PCDHGB2: variants seen among roughly 807,000 people sequenced by gnomAD.
PCDHGB2 encodes protocadherin gamma-B2.
In PCDHGB2, 55 loss-of-function variants were observed where a neutral mutation model predicts 59.3. That is an observed-to-expected ratio of 0.93 (90% CI 0.75 to 1.16). PCDHGB2 has a LOEUF of 1.16. Among genes scored for constraint, PCDHGB2 ranks in the 50% most tolerant of loss-of-function variants. The pLI is 0.00. For synonymous variants in PCDHGB2, 516 were observed against 512.0 expected (o/e 1.01, Z -0.11); for missense variants, 1,228 against 1,198.5 (o/e 1.02, Z -0.36).
chr5:141,402,996 T>G, intron 1 of PCDHGB2: 3 of 1,613,890 alleles, frequency 1.9e-6, no homozygotes, highest in Non-Finnish European at 1.7e-6. Context: ...AGATTAGTCC[T>G]GCTATGCTCG....
intron 1 of PCDHGB2, among the ~76,000 whole-genome samples, chr5:141,450,006 C>CTATTTTTTTTTT (rs70988802): frequency 7.5e-6 from 1 of 132,986 alleles, no homozygotes. Context: ...TGCCATGTCT[C>CTATTTTTTTTTT]TTTTTTTTTT....
intron 1 of PCDHGB2, chr5:141,423,780 T>C: frequency 8.0e-7 from 1 of 1,243,766 alleles, no homozygotes; most frequent in Non-Finnish European, 1.0e-6. Flanking sequence ...ATATATTTAG[T>C]TCATATATAT....
chr5:141,466,090 C>A (rs983505253), intron 1 of PCDHGB2, among the ~76,000 whole-genome samples: 2 of 152,068 alleles, frequency 1.3e-5, no homozygotes, highest in African/African-American at 4.8e-5. Context: ...CCACTGCACT[C>A]CAGCCTGGGC....
chr5:141,404,073 G>A lies in PCDHGB2; in HGVS notation c.2421+41517G>A, dbSNP rs746951310. On this transcript the variant is annotated intron_variant, in intron 1 of 3. Transcript: ENST00000522605. The stretch of plus-strand genomic sequence containing the variant: ...ATTCTTCTTTTCAATGCTCATGACC[G>A]AGACTCCGGGAAGAATGGTCAAGTT... The A allele has an allele frequency of 1.5e-5, 24 of 1,613,602 alleles. No individual in the cohort carries two copies. Among genetic ancestry groups the A allele is most frequent in the Non-Finnish European group, 1.9e-5 (22 of 1,179,684 alleles).
At chr5:141,446,891 C>A (rs1457416718) in intron 1 of PCDHGB2, among the ~76,000 whole-genome samples, 1 of 152,152 alleles carries the variant, frequency 6.6e-6, no homozygotes, top group Non-Finnish European at 1.5e-5. Context: ...GGGTTCATGG[C>A]TGAGCTACTT....
intron 1 of PCDHGB2, chr5:141,409,744 G>A (rs1255485257): frequency 6.2e-7 from 1 of 1,612,978 alleles, no homozygotes; most frequent in Non-Finnish European, 8.5e-7. Flanking sequence ...GCGGGGTGGT[G>A]TTCGCGCAGC....
rs756476818 is a variant in PCDHGB2 at position 141,431,027 on chromosome 5, A to G, written c.2422-63780A>G. The G allele has an allele frequency of 6.2e-6, 10 of 1,614,034 alleles. No homozygotes were observed. The highest frequency in any genetic ancestry group is 1.1e-5 in the South Asian group (1 of 91,078). On this transcript the variant is annotated intron_variant, in intron 1 of 3. Coordinates refer to ENST00000522605, the MANE Select transcript of PCDHGB2 (RefSeq NM_018923.3). This position sits in a 1 kb window ranked among gnomAD's most constrained non-coding sequence, Gnocchi z 4.8. ...CGGCAGCTTGGTCACGGCGGGCAGG[A>G]TAGACCGGGAGGAGCTCTGTATGGG...
Position 141,512,495 on chromosome 5 carries a change from C to T in PCDHGB2, c.*1322C>T, listed in dbSNP as rs2099884264. 1 of 152,920 alleles carries T rather than the reference C, an allele frequency of 6.5e-6. No homozygotes were observed. The highest frequency in any genetic ancestry group is 1.5e-5 in the Non-Finnish European group (1 of 68,240). The allele number at this position is 152,920 out of a possible 1,614,324, so 9.5% of individuals were successfully genotyped here. A position where few individuals can be genotyped will look rare whatever the true frequency, so the allele number is the denominator to read the frequency against. On this transcript the variant is annotated 3_prime_UTR_variant, in exon 4 of 4. Coordinates refer to ENST00000522605, the MANE Select transcript of PCDHGB2 (RefSeq NM_018923.3). ...TTCCGTGAAGGCCACTGCCCAGGTCCCCAGTGCGCCCCCTAGTGGCCATAG... is the reference window on the plus strand; with the variant it reads ...TTCCGTGAAGGCCACTGCCCAGGTCTCCAGTGCGCCCCCTAGTGGCCATAG...
chr5:141,398,336 C>T lies in PCDHGB2; in HGVS notation c.2421+35780C>T, dbSNP rs2093641789. The T allele has an allele frequency of 7.3e-6, 10 of 1,363,224 alleles. No individual in the cohort carries two copies. In the East Asian group the frequency reaches 1.7e-4, roughly 24 times the overall value. 84.4% of individuals were successfully genotyped at this position (1,363,224 alleles called of 1,614,324 possible). On this transcript the variant is annotated intron_variant, in intron 1 of 3. Coordinates refer to ENST00000522605, the MANE Select transcript of PCDHGB2 (RefSeq NM_018923.3). ...CCGACTCGAAAACTGCGCGTCAGTT[C>T]GGAGAAGCCTTACTTCACCGTGAGC...
In PCDHGB2 at chr5:141,432,916, G is replaced by C; in HGVS notation, c.2422-61891G>C. ...TGCTGGCGCTCAGGCTGCGGCGCTG[G>C]CACAAGTCACGCCTGCTGCAGGCTT... On this transcript the variant is annotated intron_variant, in intron 1 of 3. Coordinates refer to ENST00000522605, the MANE Select transcript of PCDHGB2 (RefSeq NM_018923.3). The surrounding 1 kb of genome is among the most constrained non-coding windows in gnomAD (Gnocchi z 6.0). 1 of 1,614,196 alleles carries C rather than the reference G, an allele frequency of 6.2e-7. No homozygotes were observed. The highest frequency in any genetic ancestry group is 8.5e-7 in the Non-Finnish European group (1 of 1,180,040).
intron 1 of PCDHGB2, chr5:141,365,220 A>G (rs777231006): frequency 6.2e-7 from 1 of 1,613,958 alleles, no homozygotes; most frequent in East Asian, 2.2e-5. Flanking sequence ...CTTGATTCCA[A>G]CCTGGGGGAA....
chr5:141,362,228 T>C lies in PCDHGB2; in HGVS notation c.2093T>C (p.Leu698Ser). ...TTTTACCTGGTTGTGGCCTTGGCCTTGATCTCAGTGCTCTTCTTCCTCGCG... is the reference window on the plus strand; with the variant it reads ...TTTTACCTGGTTGTGGCCTTGGCCTCGATCTCAGTGCTCTTCTTCCTCGCG... Reference protein sequence around the residue: ...LQFYLVVALALISVLFFLAVI... With the variant: ...LQFYLVVALASISVLFFLAVI... The change falls in exon 1 of 4, where the codon TTG (leucine) becomes TCG (serine). Residue 698 changes from leucine (L) to serine (S), a missense_variant. This residue lies in a region of PCDHGB2 where 433 missense variants were observed against 441.8 expected (regional missense o/e 0.98). Transcript: ENST00000522605. The C allele has an allele frequency of 1.2e-6, 2 of 1,614,028 alleles. No individual in the cohort carries two copies. The highest frequency in any genetic ancestry group is 1.3e-5 in the African/African-American group (1 of 75,064).
rs759647406 is a variant in PCDHGB2 at position 141,493,849 on chromosome 5, A to G, written c.2422-958A>G. Among the ~76,000 whole-genome samples the G allele has an allele frequency of 6.6e-6, 1 of 152,178 alleles. No individual in the cohort carries two copies. The highest frequency in any genetic ancestry group is 1.5e-5 in the Non-Finnish European group (1 of 68,028). ...CTGGGAGCAAGTATGAGTATTAATT[A>G]CCAGCCCACCCCAGAACCAGTGAGG... On this transcript the variant is annotated intron_variant, in intron 1 of 3. Coordinates refer to ENST00000522605, the MANE Select transcript of PCDHGB2 (RefSeq NM_018923.3). The surrounding 1 kb of genome is among the most constrained non-coding windows in gnomAD (Gnocchi z 4.3).
chr5:141,417,659 A>G, intron 1 of PCDHGB2: 1 of 869,514 alleles, frequency 1.2e-6, no homozygotes, highest in Non-Finnish European at 1.7e-6. Context: ...CTAGCCTGGG[A>G]TTCCCTGCGC....
At chr5:141,478,090 C>T in intron 1 of PCDHGB2, 2 of 1,614,108 alleles carry the variant, frequency 1.2e-6, no homozygotes, top group Non-Finnish European at 1.7e-6. Flanking sequence ...CGCTCTCCAC[C>T]ACTGCTACCC....
intron 1 of PCDHGB2, chr5:141,492,003 T>G: frequency 1.6e-6 from 1 of 626,972 alleles, no homozygotes; most frequent in Non-Finnish European, 2.6e-6. Context: ...TCGGGCGATT[T>G]CCGCGGGTGT....
chr5:141,395,131 C>A, intron 1 of PCDHGB2: 12 of 1,614,202 alleles, frequency 7.4e-6, no homozygotes, highest in Non-Finnish European at 1.0e-5. Context: ...TTTCCCCAGC[C>A]CAACTACGCA....
chr5:141,489,126 T>A lies in PCDHGB2; in HGVS notation c.2422-5681T>A. ...TGCAAGCAGGCAAACCTCCGAGCAGTTTTTAAGAGGCTGGAAGGAGACATA... is the reference window on the plus strand; with the variant it reads ...TGCAAGCAGGCAAACCTCCGAGCAGATTTTAAGAGGCTGGAAGGAGACATA... On this transcript the variant is annotated intron_variant, in intron 1 of 3. Transcript: ENST00000522605. This position sits in a 1 kb window ranked among gnomAD's most constrained non-coding sequence, Gnocchi z 4.5. 1.7e-6 allele frequency: 1 copy of A among 585,136 alleles called. No individual in the cohort carries two copies. Among genetic ancestry groups the A allele is most frequent in the Non-Finnish European group, 2.7e-6 (1 of 375,012 alleles). The allele number at this position is 585,136 out of a possible 1,614,324, so 36.2% of individuals were successfully genotyped here.
intron 1 of PCDHGB2, chr5:141,375,049 G>C (rs1176998287): frequency 1.2e-6 from 2 of 1,614,010 alleles, no homozygotes; most frequent in Non-Finnish European, 1.7e-6. Context: ...TTGAAGCCCG[G>C]GATGGGCCAG....
Sources: gnomAD v4.1 joint callset for allele counts (sites outside exome capture counted in the v4.1 genomes callset) on GRCh38, gnomAD v4.1.1 for gene constraint, gnomAD v4.1.1 regional missense constraint, Gnocchi (gnomAD v3.1) non-coding constraint, MANE v1.5 for transcripts, NCBI Gene and HGNC (gene_info 2026-07-23, HGNC 2026-07-21) for gene names.